LINC00305: variants seen among roughly 807,000 people sequenced by gnomAD.
LINC00305 encodes long independently transcribed non-coding RNA 305, also known as long intergenic non-protein coding RNA 305.
In LINC00305 at chr18:64,133,607, G is replaced by T. The variant is rs147915842; in HGVS notation, n.314+15168C>A. The stretch of plus-strand genomic sequence containing the variant: ...TCTGACCTCCAACCACAGACATGGA[G>T]TGTCCTAAGTGAGCATCTTGCCTTT... On this transcript the variant is annotated intron_variant and non_coding_transcript_variant, in intron 1 of 3. Coordinates refer to ENST00000666468, the Ensembl canonical transcript of LINC00305. Among the ~76,000 whole-genome samples the T allele has an allele frequency of 7.9e-5, 12 of 152,286 alleles. No homozygotes were observed. In the East Asian group the frequency reaches 2.3e-3, roughly 29 times the overall value.
intron 1 of LINC00305, among the ~76,000 whole-genome samples, chr18:64,101,795 A>G (rs2051268807): frequency 6.6e-6 from 1 of 152,098 alleles, no homozygotes; most frequent in Admixed American, 6.5e-5. Flanking sequence ...GCAAAACCAA[A>G]TTTACAGGAT....
At chr18:64,131,545 T>C (rs1416579592) in intron 1 of LINC00305, among the ~76,000 whole-genome samples, 2 of 152,202 alleles carry the variant, frequency 1.3e-5, no homozygotes, top group Non-Finnish European at 2.9e-5. Context: ...TGTTGGTATG[T>C]CATGTAGTTC....
intron 1 of LINC00305, among the ~76,000 whole-genome samples, chr18:64,142,398 G>C (rs1170208026): frequency 6.6e-6 from 1 of 152,168 alleles, no homozygotes; most frequent in Non-Finnish European, 1.5e-5. Context: ...TGAGGAATGA[G>C]GGTCCAATGC....
At chr18:64,106,367 G>A (rs947581321) in intron 1 of LINC00305, among the ~76,000 whole-genome samples, 9 of 152,166 alleles carry the variant, frequency 5.9e-5, no homozygotes, top group South Asian at 2.1e-4. Flanking sequence ...TGGCAATGAC[G>A]TCTTTACTCC....
At chr18:64,087,865 A>G (rs1207987965) in intron 3 of LINC00305, among the ~76,000 whole-genome samples, 4 of 151,898 alleles carry the variant, frequency 2.6e-5, no homozygotes, top group African/African-American at 9.7e-5. Flanking sequence ...GCCGAGGCGG[A>G]TGGATCACAA....
At chr18:64,138,465 C>T (rs2051445418) in intron 1 of LINC00305, among the ~76,000 whole-genome samples, 1 of 152,208 alleles carries the variant, frequency 6.6e-6, no homozygotes, top group Admixed American at 6.5e-5. Context: ...ATGTTATTTA[C>T]ATCACACGCT....
At chr18:64,137,211 C>T (rs978383273) in intron 1 of LINC00305, among the ~76,000 whole-genome samples, 4 of 152,114 alleles carry the variant, frequency 2.6e-5, no homozygotes, top group Admixed American at 2.0e-4. Context: ...GTCCAGGGGA[C>T]AGCAAGCACT....
chr18:64,130,668 A>G (rs1175036252), intron 1 of LINC00305, among the ~76,000 whole-genome samples: 1 of 152,180 alleles, frequency 6.6e-6, no homozygotes, highest in Non-Finnish European at 1.5e-5. Context: ...TCAGCTCTGT[A>G]CTAAGAAATT....
At chr18:64,104,575 G>A (rs2051281909) in intron 1 of LINC00305, among the ~76,000 whole-genome samples, 1 of 152,206 alleles carries the variant, frequency 6.6e-6, no homozygotes, top group Non-Finnish European at 1.5e-5. Flanking sequence ...CATAGAAGAA[G>A]TGTGATTGGG....
intron 3 of LINC00305, among the ~76,000 whole-genome samples, chr18:64,095,189 T>C (rs75068819): frequency 1.5e-3 from 235 of 152,248 alleles, no homozygotes; most frequent in African/African-American, 5.4e-3. Context: ...AGCAAGCAGA[T>C]GGATAGTGAG....
At chr18:64,085,235 TTTCCTA>T (rs534361834) in intron 3 of LINC00305, among the ~76,000 whole-genome samples, 26 of 152,322 alleles carry the variant, frequency 1.7e-4, no homozygotes, top group South Asian at 1.4e-3. Context: ...ACAGATTGCA[TTTCCTA>T]TTCCTATTCC....
chr18:64,097,360 T>C (rs1306454938), intron 3 of LINC00305, among the ~76,000 whole-genome samples: 1 of 152,136 alleles, frequency 6.6e-6, no homozygotes, highest in African/African-American at 2.4e-5. Context: ...GCCCCACCAC[T>C]GGTGATTCAG....
At chr18:64,148,038 G>C (rs944224802) in intron 1 of LINC00305, among the ~76,000 whole-genome samples, 1 of 151,900 alleles carries the variant, frequency 6.6e-6, no homozygotes, top group Non-Finnish European at 1.5e-5. Flanking sequence ...GCTGACCATG[G>C]GGCCCCTAGG....
intron 1 of LINC00305, among the ~76,000 whole-genome samples, chr18:64,142,208 A>T (rs569443781): frequency 6.6e-6 from 1 of 150,950 alleles, no homozygotes; most frequent in Admixed American, 6.6e-5. Context: ...GAAGAAGAGA[A>T]TGTAGTCTGT....
chr18:64,097,688 C>CA (rs1281528293), intron 3 of LINC00305: 2 of 313,858 alleles, frequency 6.4e-6, no homozygotes, highest in East Asian at 7.6e-5. Context: ...TTTTAGATTG[C>CA]AAAAAAAGTA....
At chr18:64,082,311 A>G (rs1471301170) in intron 3 of LINC00305, among the ~76,000 whole-genome samples, 1 of 152,064 alleles carries the variant, frequency 6.6e-6, no homozygotes, top group Non-Finnish European at 1.5e-5. Context: ...GACAGAAGAC[A>G]ACAGAGAGAA....
chr18:64,111,614 G>T (rs886622678), intron 1 of LINC00305, among the ~76,000 whole-genome samples: 1 of 148,930 alleles, frequency 6.7e-6, no homozygotes, highest in Non-Finnish European at 1.5e-5. Context: ...GAACACAAGT[G>T]TCTTAACCTC....
intron 1 of LINC00305, among the ~76,000 whole-genome samples, chr18:64,130,160 A>C (rs1472943062): frequency 6.6e-6 from 1 of 152,130 alleles, no homozygotes; most frequent in Non-Finnish European, 1.5e-5. Context: ...AGCCAAAATA[A>C]ATACAAAACT....
chr18:64,140,714 T>A (rs572662019), intron 1 of LINC00305, among the ~76,000 whole-genome samples: 3 of 152,184 alleles, frequency 2.0e-5, no homozygotes, highest in Non-Finnish European at 4.4e-5. Context: ...ATGCGATATA[T>A]GGCAAGAGAG....
Sources: gnomAD v4.1 joint callset for allele counts (sites outside exome capture counted in the v4.1 genomes callset) on GRCh38, gnomAD v4.1.1 for gene constraint, MANE v1.5 for transcripts, NCBI Gene and HGNC (gene_info 2026-07-23, HGNC 2026-07-21) for gene names.